The following SYCP1 variants were observed in gnomAD, a reference collection of about 807,000 sequenced individuals.
The protein encoded by SYCP1 is cancer/testis antigen 8.
In SYCP1, 64 loss-of-function variants were observed where a neutral mutation model predicts 153.1. That is an observed-to-expected ratio of 0.42 (90% CI 0.34 to 0.51). The LOEUF is 0.51. Ranked by LOEUF, SYCP1 falls within the 20% of genes least tolerant of loss-of-function variation. The pLI, the probability that SYCP1 is intolerant of heterozygous loss-of-function variation, is 0.06. For missense variants in SYCP1, 997 were observed against 1,049.0 expected, an observed-to-expected ratio of 0.95 and a Z score of 0.68; for synonymous variants, 384 against 341.8, an observed-to-expected ratio of 1.12 and a Z score of -1.36.
At position 114,895,525 on chromosome 1, in the gene SYCP1, C is replaced by T; in HGVS notation, c.1320+16C>T. ...AAAAGTCTTGGTAAGTATAGTCTTT[C>T]CTATTAATATATAGCAATTACTTTT... On this transcript the variant is annotated intron_variant, in intron 16 of 31. Transcript: ENST00000369522. 1 of 1,353,610 alleles carries T rather than the reference C, an allele frequency of 7.4e-7. No individual in the cohort carries two copies. The highest frequency in any genetic ancestry group is 1.0e-6 in the Non-Finnish European group (1 of 988,408). The allele number at this position is 1,353,610 out of a possible 1,614,324, so 83.8% of individuals were successfully genotyped here.
At chr1:114,994,579 T>C (rs1674147434) in intron 30 of SYCP1, 119 bp from the exon 31 acceptor site, 1 of 671,246 alleles carries the variant, frequency 1.5e-6, no homozygotes, top group African/African-American at 1.9e-5. Flanking sequence ...CCTTCTCCCT[T>C]CTACATCCTT....
intron 11 of SYCP1, 96 bp from the exon 12 acceptor site, chr1:114,877,998 A>C: frequency 1.4e-6 from 1 of 730,988 alleles, no homozygotes; most frequent in Middle Eastern, 4.3e-4. Context: ...GCTGAAAAGC[A>C]TGTAGACAAG....
intron 16 of SYCP1, among the ~76,000 whole-genome samples, chr1:114,900,917 T>C (rs1006945724): frequency 2.4e-4 from 37 of 152,254 alleles, no homozygotes; most frequent in African/African-American, 8.4e-4. Context: ...TTTGATGATA[T>C]CTGCTTTTTA....
At chr1:114,931,580 G>A (rs1360565943) in intron 23 of SYCP1, among the ~76,000 whole-genome samples, 1 of 152,068 alleles carries the variant, frequency 6.6e-6, no homozygotes, top group Non-Finnish European at 1.5e-5. Flanking sequence ...ACCAATGAAA[G>A]AAGACCTAAG....
intron 23 of SYCP1, among the ~76,000 whole-genome samples, chr1:114,934,131 G>C (rs1669820824): frequency 1.3e-5 from 2 of 152,180 alleles, no homozygotes; most frequent in Non-Finnish European, 2.9e-5. Context: ...AAGTTGAAAT[G>C]AAGGAAAAAA....
intron 23 of SYCP1, among the ~76,000 whole-genome samples, chr1:114,942,020 T>C (rs903887169): frequency 6.6e-6 from 1 of 152,000 alleles, no homozygotes; most frequent in Non-Finnish European, 1.5e-5. Context: ...ATATTTAGAA[T>C]TGATGAAAGA....
At position 114,876,100 on chromosome 1, in the gene SYCP1, T is replaced by G; in HGVS notation, c.689T>G (p.Val230Gly). 6.3e-7 allele frequency: 1 copy of G among 1,586,086 alleles called. No homozygotes were observed. The highest frequency in any genetic ancestry group is 8.6e-7 in the Non-Finnish European group (1 of 1,164,684). ...KMITAFEELRVQAENSRLEMH... is the reference protein window; with the variant it reads ...KMITAFEELRGQAENSRLEMH... Reference sequence around the variant, plus strand: ...ATAACAGCTTTTGAGGAACTTCGTGTGCAAGCTGAGAATTCCAGACTGGAA... The same window carrying G: ...ATAACAGCTTTTGAGGAACTTCGTGGGCAAGCTGAGAATTCCAGACTGGAA... The change falls in exon 10 of 32, where the codon GTG (valine) becomes GGG (glycine). Residue 230 changes from valine to glycine, a missense_variant. Val to Gly is a moderately radical substitution (Grantham distance 109, BLOSUM62 -3). Coordinates refer to ENST00000369522, the MANE Select transcript of SYCP1 (RefSeq NM_003176.4).
At chr1:114,880,423 C>T (rs1401070230) in intron 12 of SYCP1, among the ~76,000 whole-genome samples, 3 of 152,066 alleles carry the variant, frequency 2.0e-5, no homozygotes, top group Admixed American at 6.6e-5. Flanking sequence ...AAAATTAAAT[C>T]CTGTGCATTG....
chr1:114,993,933 AT>A (rs1674095229), intron 30 of SYCP1, among the ~76,000 whole-genome samples: 1 of 149,380 alleles, frequency 6.7e-6, no homozygotes, highest in Non-Finnish European at 1.5e-5. Flanking sequence ...TGTCTCTATG[AT>A]TTTCCCTACA....
chr1:114,894,981 A>G (rs968091960), intron 15 of SYCP1, among the ~76,000 whole-genome samples: 1 of 152,142 alleles, frequency 6.6e-6, no homozygotes, highest in African/African-American at 2.4e-5. Flanking sequence ...AGATTCCTCT[A>G]CATAGAATCT....
At position 114,981,525 on chromosome 1, in the gene SYCP1, A is replaced by G. The variant is rs770141020; in HGVS notation, c.2559+13A>G. On this transcript the variant is annotated intron_variant, in intron 29 of 31. Transcript: ENST00000369522. ...ACCATTGCCAAAGGTTTGTGTCTAA[A>G]TTTTCCATGTTAGTAGTAATTTTTT... The G allele has an allele frequency of 5.1e-6, 8 of 1,573,824 alleles. No individual in the cohort carries two copies. In the South Asian group the frequency reaches 9.7e-5, roughly 19 times the overall value.
chr1:114,900,716 T>C (rs1383008040), intron 16 of SYCP1, among the ~76,000 whole-genome samples: 2 of 152,256 alleles, frequency 1.3e-5, no homozygotes, highest in South Asian at 2.1e-4. Context: ...ATCTGGTAAG[T>C]TGTTTTGAGT....
intron 16 of SYCP1, among the ~76,000 whole-genome samples, chr1:114,900,850 TA>T (rs760848908): frequency 3.9e-5 from 6 of 152,218 alleles, no homozygotes; most frequent in Non-Finnish European, 7.3e-5. Context: ...TTTATAACCT[TA>T]AAACACTTAA....
chr1:114,878,227 A>G, intron 12 of SYCP1, 25 bp downstream of exon 12: 2 of 1,366,762 alleles, frequency 1.5e-6, no homozygotes, highest in Non-Finnish European at 2.1e-6. Flanking sequence ...AAGATAATAT[A>G]ATGTGCCTTA....
intron 20 of SYCP1, 117 bp from the exon 21 acceptor site, chr1:114,923,332 G>GT (rs1570778778): frequency 1.7e-6 from 2 of 1,194,872 alleles, no homozygotes; most frequent in East Asian, 6.1e-5. Context: ...TTCAGTTTTG[G>GT]TTTTTTACAT....
At chr1:114,952,953 T>C (rs928630124) in intron 27 of SYCP1, among the ~76,000 whole-genome samples, 21 of 152,106 alleles carry the variant, frequency 1.4e-4, no homozygotes, top group Admixed American at 1.1e-3. Context: ...TTCTGGAAAA[T>C]GGGAAGTTCA....
chr1:114,898,282 T>A (rs1667190188), intron 16 of SYCP1, among the ~76,000 whole-genome samples: 1 of 152,192 alleles, frequency 6.6e-6, no homozygotes, highest in East Asian at 1.9e-4. Flanking sequence ...GAAAAGGATG[T>A]CTTATGACAT....
chr1:114,956,357 G>A (rs191630273), intron 27 of SYCP1, among the ~76,000 whole-genome samples: 35 of 152,298 alleles, frequency 2.3e-4, no homozygotes, highest in Middle Eastern at 3.4e-3. Flanking sequence ...CAATGGGATA[G>A]GCATTCCAAC....
Position 114,870,336 on chromosome 1 carries a change from T to C in SYCP1, c.599-4170T>C, listed in dbSNP as rs116575830. Among the ~76,000 whole-genome samples the C allele has an allele frequency of 6.6e-3, 1,003 of 152,310 alleles. 15 individuals are homozygous for C. The highest frequency in any genetic ancestry group is 0.023 in the African/African-American group (940 of 41,564). Reference sequence around the variant, plus strand: ...CTCTAAAAGCATTTTGAAATGGCCCTCTTTATATCTGACAACTTTCCTTGC... The same window carrying C: ...CTCTAAAAGCATTTTGAAATGGCCCCCTTTATATCTGACAACTTTCCTTGC... On this transcript the variant is annotated intron_variant, in intron 8 of 31. Transcript: ENST00000369522.
Sources: allele counts gnomAD v4.1 joint callset (sites outside exome capture counted in the v4.1 genomes callset), GRCh38; gene constraint gnomAD v4.1.1; transcripts MANE v1.5; gene names NCBI Gene and HGNC (gene_info 2026-07-23, HGNC 2026-07-21).